PTPRK: variants seen among roughly 807,000 people sequenced by gnomAD.
PTPRK encodes the protein receptor-type tyrosine-protein phosphatase kappa.
PTPRK carries 75 observed loss-of-function variants against 178.0 expected under a neutral mutation model. That is an observed-to-expected ratio of 0.42 (90% confidence interval 0.35 to 0.51). The LOEUF (loss-of-function observed/expected upper bound fraction) is 0.51, where lower values mean the gene tolerates loss of function less well. Ranked by LOEUF, PTPRK falls within the 20% of genes least tolerant of loss-of-function variation. The probability of loss-of-function intolerance (pLI) is 0.02; values close to 1 mark genes in which losing one functional copy is unlikely to be tolerated. For synonymous variants in PTPRK, 637 were observed against 620.6 expected (o/e 1.03, Z -0.39); for missense variants, 1,441 against 1,797.8 (o/e 0.80, Z 3.59).
intron 2 of PTPRK, among the ~76,000 whole-genome samples, chr6:128,325,230 C>T (rs1829387328): frequency 6.6e-6 from 1 of 151,980 alleles, no homozygotes; most frequent in African/African-American, 2.4e-5. Flanking sequence ...TAAGTGCAAC[C>T]TTTATAGACA....
intron 7 of PTPRK, among the ~76,000 whole-genome samples, chr6:128,153,679 A>T (rs1225361499): frequency 1.3e-5 from 2 of 152,008 alleles, no homozygotes; most frequent in East Asian, 3.9e-4. Context: ...TAGTTTATAA[A>T]GAATTTAAGA....
At chr6:127,980,637 C>G (rs1775224104) in intron 25 of PTPRK, among the ~76,000 whole-genome samples, 1 of 152,126 alleles carries the variant, frequency 6.6e-6, no homozygotes, top group Admixed American at 6.5e-5. Context: ...TAATACCATC[C>G]ATCCCCTCTC....
intron 2 of PTPRK, among the ~76,000 whole-genome samples, chr6:128,354,231 G>GTTTTTTTTTTTTTTTTGTTTTTT (rs1833618037): frequency 2.0e-5 from 1 of 49,358 alleles, no homozygotes; most frequent in African/African-American, 9.4e-5. Flanking sequence ...TTTTGTTTAT[G>GTTTTTTTTTTTTTTTTGTTTTTT]TTTTTTTTTT....
At chr6:128,286,153 T>C (rs1485219997) in intron 3 of PTPRK, among the ~76,000 whole-genome samples, 1 of 152,168 alleles carries the variant, frequency 6.6e-6, no homozygotes, top group Non-Finnish European at 1.5e-5. Context: ...TAACTGCTTT[T>C]AAAATTTTCT....
intron 18 of PTPRK, chr6:127,995,113 C>A: frequency 2.4e-6 from 2 of 818,526 alleles, no homozygotes; most frequent in South Asian, 2.0e-5. Flanking sequence ...AAAAAACGAA[C>A]AGAGATATAT....
rs1262113027 is a variant in PTPRK, at chr6:128,520,593, T to G, written c.-235A>C. The G allele has an allele frequency of 5.8e-6, 3 of 513,732 alleles. No homozygotes were observed. The highest frequency in any genetic ancestry group is 6.5e-5 in the Admixed American group (2 of 30,792). The allele number at this position is 513,732 out of a possible 1,614,324, so 31.8% of individuals were successfully genotyped here. ...CTCCATGCTCGGCGGAGGCTGCTCC[T>G]GTTAGTCAAGAGTTACTTTGCTCGG... On this transcript the variant is annotated 5_prime_UTR_variant, in exon 1 of 30. Transcript: ENST00000368226.
In PTPRK at chr6:128,245,596, A is replaced by G. The variant is rs570120029; in HGVS notation, c.496-2994T>C. On this transcript the variant is annotated intron_variant, in intron 3 of 29. Coordinates refer to ENST00000368226, the MANE Select transcript of PTPRK (RefSeq NM_002844.4). ...CTTTGTGACAATTGATTTTACTGGA[A>G]TAAGCTGAAAGTGAGATGGAGGATG... Among the ~76,000 whole-genome samples, 20 of 152,306 alleles carry G rather than the reference A, an allele frequency of 1.3e-4. No individual in the cohort carries two copies. In the South Asian group the frequency reaches 3.3e-3, roughly 25 times the overall value.
intron 7 of PTPRK, among the ~76,000 whole-genome samples, chr6:128,137,925 A>C (rs1795243927): frequency 6.6e-6 from 1 of 152,156 alleles, no homozygotes; most frequent in Admixed American, 6.6e-5. Context: ...AGCTCACCCC[A>C]CAAAACTGGT....
At chr6:128,508,456 T>C (rs1445893087) in intron 1 of PTPRK, among the ~76,000 whole-genome samples, 1 of 152,190 alleles carries the variant, frequency 6.6e-6, no homozygotes, top group Admixed American at 6.5e-5. Flanking sequence ...GAAAAAAGTA[T>C]ACACACAACT....
At chr6:128,103,114 A>G (rs1047615408) in intron 7 of PTPRK, among the ~76,000 whole-genome samples, 3 of 152,064 alleles carry the variant, frequency 2.0e-5, no homozygotes, top group Non-Finnish European at 4.4e-5. Flanking sequence ...GGAACAGAAG[A>G]GTGGAGCGGC....
At chr6:128,294,024 C>G (rs1823844451) in intron 3 of PTPRK, among the ~76,000 whole-genome samples, 1 of 151,976 alleles carries the variant, frequency 6.6e-6, no homozygotes, top group African/African-American at 2.4e-5. Context: ...ATTCTTTTTT[C>G]TTTTAATCTT....
At chr6:128,043,839 T>C (rs190150628) in intron 13 of PTPRK, among the ~76,000 whole-genome samples, 2 of 151,918 alleles carry the variant, frequency 1.3e-5, no homozygotes, top group African/African-American at 4.8e-5. Flanking sequence ...ATAAAGAAAC[T>C]TTATGGCAAA....
At chr6:128,003,684 C>T (rs1234386268) in intron 15 of PTPRK, among the ~76,000 whole-genome samples, 2 of 151,702 alleles carry the variant, frequency 1.3e-5, no homozygotes, top group African/African-American at 4.8e-5. Context: ...CTAAGGTAGG[C>T]AATAGATAGA....
intron 3 of PTPRK, among the ~76,000 whole-genome samples, chr6:128,259,408 A>C (rs1241911037): frequency 6.6e-6 from 1 of 152,188 alleles, no homozygotes; most frequent in East Asian, 1.9e-4. Context: ...CTAATTAAGG[A>C]AACCAAAACA....
rs753677048 is a variant in PTPRK at position 127,983,381 on chromosome 6, A to C, written c.3252-4T>G. ...GCCAGTTCGTCCAGCACCAGCACTG[A>C]AAAACAATTAAATTTAATGAATTGT... On this transcript the variant is annotated splice_polypyrimidine_tract_variant and splice_region_variant and intron_variant, in intron 22 of 29. Transcript: ENST00000368226. 3.1e-6 allele frequency: 5 copies of C among 1,611,074 alleles called. No homozygotes were observed. The highest frequency in any genetic ancestry group is 1.7e-5 in the Admixed American group (1 of 59,266).
chr6:128,051,355 A>G (rs546876921), intron 13 of PTPRK, among the ~76,000 whole-genome samples: 68 of 152,126 alleles, frequency 4.5e-4, no homozygotes, highest in African/African-American at 1.6e-3. Context: ...AGTCTCCCCA[A>G]CCACTTTATT....
chr6:128,491,720 TTC>T (rs1222764557), intron 1 of PTPRK: 6 of 501,038 alleles, frequency 1.2e-5, no homozygotes, highest in Non-Finnish European at 2.4e-5. Flanking sequence ...ATCATTTTTT[TTC>T]TCTTGTTACC....
chr6:128,001,070 C>T (rs1777778739), intron 15 of PTPRK: 3 of 675,884 alleles, frequency 4.4e-6, no homozygotes, highest in Admixed American at 3.1e-5. Flanking sequence ...CATTAAACCA[C>T]CTAATAATGT....
chr6:128,453,362 C>T (rs749434612), intron 1 of PTPRK, among the ~76,000 whole-genome samples: 1 of 152,154 alleles, frequency 6.6e-6, no homozygotes, highest in Non-Finnish European at 1.5e-5. Context: ...CTTTGCTGGA[C>T]CCATAACTTT....
Sources: gnomAD v4.1 joint callset for allele counts (sites outside exome capture counted in the v4.1 genomes callset) on GRCh38, gnomAD v4.1.1 for gene constraint, MANE v1.5 for transcripts, NCBI Gene and HGNC (gene_info 2026-07-23, HGNC 2026-07-21) for gene names.